Variants in STRA6 observed in about 807,000 individuals in gnomAD.
STRA6 encodes the protein receptor for retinol uptake STRA6.
Under a neutral mutation model 83.6 loss-of-function variants are expected in STRA6, and 48 were observed. The observed-to-expected ratio is 0.57, with a 90% CI of 0.46 to 0.73. The LOEUF (loss-of-function observed/expected upper bound fraction) is 0.73, where lower values mean the gene tolerates loss of function less well. Ranked by LOEUF, STRA6 falls within the 30% of genes least tolerant of loss-of-function variation. STRA6 has a pLI of 0.00. For synonymous variants in STRA6, 353 were observed against 362.3 expected (o/e 0.97, Z 0.29); for missense variants, 760 against 838.8 (o/e 0.91, Z 1.16).
chr15:74,209,644 G>A, upstream of STRA6: 1 of 578,038 alleles, frequency 1.7e-6, no homozygotes. Flanking sequence ...TTCACCCCAA[G>A]TACATGCCTG....
rs1193170840 is a variant in STRA6 at position 74,188,361 on chromosome 15, T to A, written c.1090+754A>T. ...TCCGTCCCAGCCTGGGGTCCCCAAG[T>A]AAGCAGAAGGCGCATGCCTCCTGAG... On this transcript the variant is annotated intron_variant, in intron 12 of 18. Transcript: ENST00000395105. The surrounding 1 kb of genome is among the most constrained non-coding windows in gnomAD (Gnocchi z 4.5). Among the ~76,000 whole-genome samples the A allele has an allele frequency of 2.0e-5, 3 of 152,258 alleles. No individual in the cohort carries two copies. The highest frequency in any genetic ancestry group is 2.9e-5 in the Non-Finnish European group (2 of 68,036).
rs115907301 is a variant in STRA6, at chr15:74,200,321, C to T, written c.113+1834G>A. Among the ~76,000 whole-genome samples, 771 of 152,290 alleles carry T rather than the reference C, an allele frequency of 5.1e-3. 9 individuals carry two copies. Among genetic ancestry groups the T allele is most frequent in the African/African-American group, 0.017 (720 of 41,554 alleles). ...GTGCATGAGGAAGCAGAGAGGCAGGCGACAGGCAGCGTGGCTGGGGCTGGG... is the reference window on the plus strand; with the variant it reads ...GTGCATGAGGAAGCAGAGAGGCAGGTGACAGGCAGCGTGGCTGGGGCTGGG... On this transcript the variant is annotated intron_variant, in intron 2 of 18. Transcript: ENST00000395105.
At chr15:74,182,483 G>A (rs1289808027) in intron 14 of STRA6, 23 bp from the exon 15 acceptor site, 2 of 1,583,742 alleles carry the variant, frequency 1.3e-6, no homozygotes, top group Non-Finnish European at 1.7e-6. Flanking sequence ...GGAGTGGCAG[G>A]GGGACAGAAA....
chr15:74,209,857 A>T (rs1003713643), upstream of STRA6, among the ~76,000 whole-genome samples: 27 of 152,208 alleles, frequency 1.8e-4, no homozygotes, highest in African/African-American at 6.5e-4. Context: ...CGGGCCAAGA[A>T]GCGGGGCCCT....
chr15:74,194,078 C>T (rs553610345), intron 7 of STRA6, among the ~76,000 whole-genome samples, 156 bp from the exon 8 acceptor site: 3 of 152,286 alleles, frequency 2.0e-5, no homozygotes, highest in African/African-American at 7.2e-5. Context: ...TGCCACCCAG[C>T]GCAAACCTGC....
chr15:74,201,248 C>A (rs932481268), intron 2 of STRA6, among the ~76,000 whole-genome samples: 1 of 152,216 alleles, frequency 6.6e-6, no homozygotes, highest in Non-Finnish European at 1.5e-5. Context: ...AAGGATTTTT[C>A]CTTCTCAAGT....
In STRA6 at chr15:74,191,947, A is replaced by C. The variant is rs2073565158; in HGVS notation, c.721-456T>G. ...TTCTCCTGCTGCCACTGCGCAAGGGAGATCACAAGGGTGACCAGATTTGTC... is the reference window on the plus strand; with the variant it reads ...TTCTCCTGCTGCCACTGCGCAAGGGCGATCACAAGGGTGACCAGATTTGTC... On this transcript the variant is annotated intron_variant, in intron 8 of 18. Coordinates refer to ENST00000395105, the MANE Select transcript of STRA6 (RefSeq NM_022369.4). The C allele has an allele frequency of 1.1e-5, 3 of 269,206 alleles. No homozygotes were observed. In the Admixed American group the frequency reaches 1.5e-4, roughly 13 times the overall value. 16.7% of individuals were successfully genotyped at this position (269,206 alleles called of 1,614,324 possible).
In STRA6 at chr15:74,191,391, A is replaced by G. The variant is rs772410579; in HGVS notation, c.788+33T>C. On this transcript the variant is annotated intron_variant, in intron 9 of 18. Transcript: ENST00000395105. The stretch of plus-strand genomic sequence containing the variant: ...GCACGGCTGCTAACCAGCCCAATCC[A>G]TTGGCCCACAAAGGGTGTGTCAGAG... The G allele has an allele frequency of 3.7e-6, 6 of 1,612,116 alleles. No homozygotes were observed. The Admixed American group carries it at 1.0e-4, about 27-fold the overall frequency.
intron 11 of STRA6, among the ~76,000 whole-genome samples, chr15:74,189,647 T>C (rs950373229): frequency 1.3e-5 from 2 of 151,376 alleles, no homozygotes; most frequent in Non-Finnish European, 2.9e-5. Context: ...TAAAAAATAA[T>C]ACAGTAGGAC....
Position 74,180,245 on chromosome 15 carries a change from TGAGA to T in STRA6, c.1841-6_1841-3del. On this transcript the variant is annotated splice_region_variant and splice_polypyrimidine_tract_variant and intron_variant, in intron 18 of 18. Coordinates refer to ENST00000395105, the MANE Select transcript of STRA6 (RefSeq NM_022369.4). ...CCTTTGTCTGTAGCAGCTGCATCCC[TGAGA>T]GAGACGGACTTTCTGTGAGTCACTC... 1.9e-6 allele frequency: 3 copies of T among 1,614,066 alleles called. No homozygotes were observed. Among genetic ancestry groups the T allele is most frequent in the Non-Finnish European group, 2.5e-6 (3 of 1,180,014 alleles).
chr15:74,189,709 G>A (rs2142026058), intron 11 of STRA6, among the ~76,000 whole-genome samples: 2 of 150,760 alleles, frequency 1.3e-5, no homozygotes, highest in South Asian at 2.1e-4. Flanking sequence ...CTGTGGCCAG[G>A]CTGGAGTGCA....
upstream of STRA6, chr15:74,209,503 G>A: frequency 4.1e-6 from 6 of 1,453,160 alleles, no homozygotes; most frequent in Non-Finnish European, 5.6e-6. Context: ...GCTAAGGGGA[G>A]TCATCACAGG....
chr15:74,201,898 C>T (rs141317086), intron 2 of STRA6, among the ~76,000 whole-genome samples: 17 of 152,310 alleles, frequency 1.1e-4, no homozygotes, highest in African/African-American at 3.8e-4. Flanking sequence ...GTATTTTTAA[C>T]ACGTCACACA....
intron 11 of STRA6, among the ~76,000 whole-genome samples, 153 bp downstream of exon 11, chr15:74,190,686 CT>C (rs1273848535): frequency 6.6e-6 from 1 of 152,132 alleles, no homozygotes; most frequent in South Asian, 2.1e-4. Context: ...CCCGGCCCTT[CT>C]GGGTAGGCCA....
At position 74,187,911 on chromosome 15, in the gene STRA6, GACCTA is replaced by G. The variant is rs536388801; in HGVS notation, c.1090+1199_1090+1203del. 3.4e-3 allele frequency among the ~76,000 whole-genome samples: 517 copies of G among 152,320 alleles called. 1 individual carries two copies. Among genetic ancestry groups the G allele is most frequent in the African/African-American group, 0.012 (500 of 41,558 alleles). ...CCTGTGAGCTGGGATCAATGATGCT[GACCTA>G]CAGGGTCACTGTGAGCAAGGGTCTG... is the stretch of plus-strand genomic sequence containing the variant. On this transcript the variant is annotated intron_variant, in intron 12 of 18. Coordinates refer to ENST00000395105, the MANE Select transcript of STRA6 (RefSeq NM_022369.4).
intron 12 of STRA6, among the ~76,000 whole-genome samples, chr15:74,186,477 G>A (rs761474997): frequency 6.6e-5 from 10 of 152,086 alleles, no homozygotes; most frequent in African/African-American, 1.7e-4. Flanking sequence ...GCCTGGTGGC[G>A]GGCCCCTGTA....
In STRA6 at chr15:74,180,196, G is replaced by A; in HGVS notation, c.1888C>T (p.Pro630Ser). The change falls in exon 19 of 19, where the codon CCC becomes TCC. Residue 630 changes from proline (P) to serine (S), a missense_variant. Transcript: ENST00000395105. Reference protein sequence around the residue: ...TKDSMAKGARPGASRGRARWG... With the variant: ...TKDSMAKGARSGASRGRARWG... ...CGAGCCCTGCCGCGGCTGGCCCCGG[G>A]CCTAGCTCCCTTGGCCATGGAGTCC... is the stretch of plus-strand genomic sequence containing the variant. 1 of 1,614,124 alleles carries A rather than the reference G, an allele frequency of 6.2e-7. No homozygotes were observed. The highest frequency in any genetic ancestry group is 8.5e-7 in the Non-Finnish European group (1 of 1,180,024).
chr15:74,189,239 G>C lies in STRA6; in HGVS notation c.966C>G (p.Ile322Met), dbSNP rs763933565. ...LLLLVGVVPTIQKVRAGVTTD... is the reference protein window; with the variant it reads ...LLLLVGVVPTMQKVRAGVTTD... Reference sequence around the variant, plus strand: ...TGGTGACCCCTGCCCTCACCTTCTGGATAGTGGGTACCACGCCCACCAGCA... The same window carrying C: ...TGGTGACCCCTGCCCTCACCTTCTGCATAGTGGGTACCACGCCCACCAGCA... Residue 322 changes from isoleucine to methionine, a missense_variant, in exon 12 of 19, where the codon ATC becomes ATG. Physicochemically the swap from Ile to Met is conservative, Grantham distance 10 (BLOSUM62 1). Coordinates refer to ENST00000395105, the MANE Select transcript of STRA6 (RefSeq NM_022369.4). The C allele has an allele frequency of 5.2e-5, 83 of 1,608,616 alleles. No homozygotes were observed. The highest frequency in any genetic ancestry group is 6.8e-5 in the Non-Finnish European group (80 of 1,177,752).
chr15:74,202,948 G>A, upstream of STRA6: 1 of 987,728 alleles, frequency 1.0e-6, no homozygotes, highest in Non-Finnish European at 1.2e-6. Flanking sequence ...CCTGAGCCCT[G>A]CAAGGGTGTG....
Sources: allele counts gnomAD v4.1 joint callset (sites outside exome capture counted in the v4.1 genomes callset), GRCh38; gene constraint gnomAD v4.1.1; non-coding constraint Gnocchi (gnomAD v3.1); transcripts MANE v1.5; gene names NCBI Gene and HGNC (gene_info 2026-07-23, HGNC 2026-07-21).